SVEP1: variants seen among roughly 807,000 people sequenced by gnomAD.
SVEP1 encodes sushi, von Willebrand factor type A, EGF and pentraxin domain containing 1.
A neutral mutation model predicts 367.3 loss-of-function variants in SVEP1; 164 were observed. The ratio of observed to expected loss-of-function variants is 0.45; its 90% CI spans 0.39 to 0.51. SVEP1 has a LOEUF of 0.51. SVEP1 is among the 20% of genes least tolerant of loss of function. The pLI is 0.00. For synonymous variants in SVEP1, 1,666 were observed against 1,611.6 expected (o/e 1.03, Z -0.81); for missense variants, 4,117 against 4,425.3 (o/e 0.93, Z 1.98).
intron 22 of SVEP1, among the ~76,000 whole-genome samples, chr9:110,454,663 A>T (rs1828749570): frequency 6.6e-6 from 1 of 152,216 alleles, no homozygotes; most frequent in African/African-American, 2.4e-5. Context: ...TTGCAGCAAC[A>T]TGGATGCAGC....
Position 110,406,891 on chromosome 9 carries a change from T to A in SVEP1, c.8709A>T (p.Glu2903Asp), listed in dbSNP as rs1293018123. 1.9e-6 allele frequency: 3 copies of A among 1,613,862 alleles called. No homozygotes were observed. In the Admixed American group the frequency reaches 5.0e-5, roughly 27 times the overall value. ...CCTTCATGAAGCCATAGTCCAGGCC[T>A]TCCGTCACCCCATTGGCCAGTTGTG... ...TPPQLANGVT[E>D]GLDYGFMKEV... The change falls in exon 38 of 48, where the codon GAA becomes GAT. Residue 2903 changes from glutamate (E) to aspartate (D), a missense_variant. Glu to Asp is a conservative substitution (Grantham distance 45, BLOSUM62 2). This residue lies in a region of SVEP1 where 1,765 missense variants were observed against 1,781.1 expected (regional missense o/e 0.99). Coordinates refer to ENST00000374469, the MANE Select transcript of SVEP1 (RefSeq NM_153366.4).
chr9:110,449,911 G>C, intron 24 of SVEP1, 148 bp downstream of exon 24: 2 of 898,840 alleles, frequency 2.2e-6, no homozygotes, highest in Non-Finnish European at 3.4e-6. Flanking sequence ...CAGAAATGGC[G>C]GTGGGAATAT....
intron 2 of SVEP1, among the ~76,000 whole-genome samples, 186 bp from the exon 3 acceptor site, chr9:110,546,477 G>T (rs144036292): frequency 6.6e-6 from 1 of 152,104 alleles, no homozygotes; most frequent in African/African-American, 2.4e-5. Context: ...CTGGGAATTC[G>T]TTGAAGCCAG....
rs1588023988 is a variant in SVEP1 at position 110,385,398 on chromosome 9, A to G, written c.10237+500T>C. Among the ~76,000 whole-genome samples, 3 of 152,350 alleles carry G rather than the reference A, an allele frequency of 2.0e-5. No homozygotes were observed. In the South Asian group the frequency reaches 6.2e-4, roughly 32 times the overall value. ...ATGGAGTAACAAAGCGCTAACCTAT[A>G]GTGCTGGTGCTAGCAACGTAGTGCT... is the stretch of plus-strand genomic sequence containing the variant. On this transcript the variant is annotated intron_variant, in intron 43 of 47. Transcript: ENST00000374469.
intron 46 of SVEP1, among the ~76,000 whole-genome samples, chr9:110,371,416 C>T (rs904045966): frequency 3.9e-5 from 6 of 152,074 alleles, no homozygotes; most frequent in South Asian, 2.1e-4. Context: ...TTTCATGTTG[C>T]GTGTCTTCTG....
rs1273391905 is a variant in SVEP1 at position 110,390,060 on chromosome 9, T to TAC, written c.9823-474_9823-473insGT. On this transcript the variant is annotated intron_variant, in intron 40 of 47. Coordinates refer to ENST00000374469, the MANE Select transcript of SVEP1 (RefSeq NM_153366.4). ...ATATAAGTATATATACACGTATATA[T>TAC]ATAAGTATATATATATACGTGTATA... 7.9e-4 allele frequency among the ~76,000 whole-genome samples: 102 copies of TAC among 128,618 alleles called. 1 individual carries two copies. Among genetic ancestry groups the TAC allele is most frequent in the African/African-American group, 2.3e-3 (88 of 38,224 alleles). The allele number at this position is 128,618 out of a possible 152,430, so 84.4% of individuals were successfully genotyped here.
intron 36 of SVEP1, among the ~76,000 whole-genome samples, chr9:110,425,541 T>A (rs960199486): frequency 3.9e-5 from 6 of 152,206 alleles, no homozygotes; most frequent in African/African-American, 7.2e-5. Flanking sequence ...GAATAATACT[T>A]CTTCTGCCAA....
intron 34 of SVEP1, 140 bp from the exon 35 acceptor site, chr9:110,429,474 T>C (rs1464551761): frequency 1.1e-5 from 5 of 455,632 alleles, no homozygotes; most frequent in Non-Finnish European, 1.4e-5. Flanking sequence ...ATAATGCTTT[T>C]AAATTAATTT....
In SVEP1 at chr9:110,406,269, T is replaced by C. The variant is rs778288918; in HGVS notation, c.9331A>G (p.Ser3111Gly). The C allele has an allele frequency of 6.2e-7, 1 of 1,614,064 alleles. No individual in the cohort carries two copies. Among genetic ancestry groups the C allele is most frequent in the South Asian group, 1.1e-5 (1 of 91,078 alleles). The stretch of plus-strand genomic sequence containing the variant: ...GGCTCACAGACTGGATAAGGCTGGC[T>C]CCATACCCCTTTCTCTGTACAAATC... ...DLICTEKGVW[S>G]QPYPVCEPLS... The change falls in exon 38 of 48, where the codon AGC (serine) becomes GGC (glycine). Residue 3111 changes from serine (S) to glycine (G), a missense_variant. Around this residue, in one of 4 missense-constraint regions of SVEP1, gnomAD observed 1,765 missense variants for 1,781.1 expected, o/e 0.99. Coordinates refer to ENST00000374469, the MANE Select transcript of SVEP1 (RefSeq NM_153366.4).
chr9:110,425,478 T>G (rs17806616), intron 36 of SVEP1, among the ~76,000 whole-genome samples: 23,313 of 152,210 alleles, frequency 0.15, 2,111 homozygotes, highest in Admixed American at 0.2. Context: ...ATAGAACAAA[T>G]GGGCCTGTAA....
Position 110,516,021 on chromosome 9 carries a change from G to A in SVEP1, c.965-1915C>T, listed in dbSNP as rs534700891. Among the ~76,000 whole-genome samples, 439 of 151,998 alleles carry A rather than the reference G, an allele frequency of 2.9e-3. 2 individuals carry two copies. The highest frequency in any genetic ancestry group is 7.3e-3 in the Admixed American group (111 of 15,244). On this transcript the variant is annotated intron_variant, in intron 3 of 47. Transcript: ENST00000374469. ...TTTGAATCCAGACAATTCAGAACCA[G>A]AGTCCATGTTCTTTACCACTACACG...
intron 43 of SVEP1, among the ~76,000 whole-genome samples, chr9:110,380,904 T>C (rs1827423844): frequency 1.3e-5 from 2 of 152,218 alleles, no homozygotes; most frequent in Admixed American, 1.3e-4. Flanking sequence ...AGCTTTTTCC[T>C]GGTTCAGTCT....
rs758235557 is a variant in SVEP1 at position 110,579,355 on chromosome 9, C to T, written c.189G>A (p.Arg63=). ...CGCGTCGCCGGAACGCCTGGCCCAG[C>T]CGCTCCACTCTGCTCCCCGCCGCTT... is the stretch of plus-strand genomic sequence containing the variant. ...GDEAAGSRVE[R]LGQAFRRRVR... is the part of the protein sequence containing the mutation. The change falls in exon 1 of 48, where the codon CGG becomes CGA. Residue 63 remains arginine (R), a synonymous_variant. Transcript: ENST00000374469. The surrounding 1 kb of genome is among the most constrained non-coding windows in gnomAD (Gnocchi z 5.3). 4 of 1,555,328 alleles carry T rather than the reference C, an allele frequency of 2.6e-6. No homozygotes were observed. The highest frequency in any genetic ancestry group is 3.5e-6 in the Non-Finnish European group (4 of 1,150,530).
At chr9:110,520,189 T>C (rs914948660) in intron 3 of SVEP1, among the ~76,000 whole-genome samples, 1 of 152,086 alleles carries the variant, frequency 6.6e-6, no homozygotes, top group Non-Finnish European at 1.5e-5. Flanking sequence ...ATAATGATAA[T>C]GAAAAACAGA....
chr9:110,484,605 A>C (rs1445669936), intron 9 of SVEP1, among the ~76,000 whole-genome samples: 3 of 152,256 alleles, frequency 2.0e-5, no homozygotes, highest in African/African-American at 7.2e-5. Context: ...GATCTAATTA[A>C]ACTAAACAGC....
intron 18 of SVEP1, among the ~76,000 whole-genome samples, chr9:110,461,789 C>G (rs1204248465): frequency 1.3e-5 from 2 of 152,046 alleles, no homozygotes; most frequent in African/African-American, 4.8e-5. Context: ...ATATTTCTTG[C>G]AGGTTTGGTC....
In SVEP1 at chr9:110,496,953, A is replaced by G. The variant is rs1010912545; in HGVS notation, c.1682-20T>C. On this transcript the variant is annotated intron_variant, in intron 7 of 47. Coordinates refer to ENST00000374469, the MANE Select transcript of SVEP1 (RefSeq NM_153366.4). ...CCACGTCTAACTCAGAAAAATACAC[A>G]AGTAGATTAATACACTGATATGTGG... 1.7e-5 allele frequency: 25 copies of G among 1,458,340 alleles called. No homozygotes were observed. The highest frequency in any genetic ancestry group is 4.1e-5 in the Admixed American group (2 of 49,350). The allele number at this position is 1,458,340 out of a possible 1,614,324, so 90.3% of individuals were successfully genotyped here.
chr9:110,409,015 C>G, intron 37 of SVEP1, 64 bp from the exon 38 acceptor site: 2 of 1,487,524 alleles, frequency 1.3e-6, no homozygotes, highest in Non-Finnish European at 1.8e-6. Flanking sequence ...TTAACTAAAT[C>G]CTTGGATAGT....
intron 1 of SVEP1, among the ~76,000 whole-genome samples, chr9:110,571,802 C>G (rs1053062495): frequency 6.6e-6 from 1 of 152,106 alleles, no homozygotes; most frequent in Non-Finnish European, 1.5e-5. Flanking sequence ...AAGTGCCAGG[C>G]GGGGACTCCA....
Sources: gnomAD v4.1 joint callset for allele counts (sites outside exome capture counted in the v4.1 genomes callset) on GRCh38, gnomAD v4.1.1 for gene constraint, gnomAD v4.1.1 regional missense constraint, Gnocchi (gnomAD v3.1) non-coding constraint, MANE v1.5 for transcripts, NCBI Gene and HGNC (gene_info 2026-07-23, HGNC 2026-07-21) for gene names.